The following PRKN variants were observed in gnomAD, a reference collection of about 807,000 sequenced individuals.
PRKN encodes the protein parkin RBR E3 ubiquitin protein ligase, also known as E3 ubiquitin-protein ligase parkin.
Under a neutral mutation model 59.5 loss-of-function variants are expected in PRKN, and 56 were observed. The observed-to-expected ratio is 0.94, with a 90% confidence interval of 0.76 to 1.18. The LOEUF (loss-of-function observed/expected upper bound fraction) is 1.18, where lower values mean the gene tolerates loss of function less well. PRKN is among the 50% of genes most tolerant of loss of function. The probability of loss-of-function intolerance (pLI) is 0.00; values close to 1 mark genes in which losing one functional copy is unlikely to be tolerated. For synonymous variants in PRKN, 250 were observed against 222.1 expected (o/e 1.13, Z -1.12); for missense variants, 657 against 596.4 (o/e 1.10, Z -1.06).
chr6:162,612,168 C>G (rs1483202961), intron 1 of PRKN, among the ~76,000 whole-genome samples: 20 of 127,272 alleles, frequency 1.6e-4, no homozygotes, highest in Non-Finnish European at 2.6e-4. Flanking sequence ...ACTCCAGCCT[C>G]GGAGACAGAG....
chr6:162,547,125 G>C (rs972186440), intron 1 of PRKN, among the ~76,000 whole-genome samples: 5 of 152,166 alleles, frequency 3.3e-5, no homozygotes. Flanking sequence ...GCCAGATCCA[G>C]TCAGGAACTT....
Position 162,054,115 on chromosome 6 carries a change from G to T in PRKN, c.594C>A (p.Ser198=). 1 of 1,612,400 alleles carries T rather than the reference G, an allele frequency of 6.2e-7. No individual in the cohort carries two copies. Among genetic ancestry groups the T allele is most frequent in the Non-Finnish European group, 8.5e-7 (1 of 1,178,474 alleles). ...IPNRMSGECQ[S]PHCPGTSAEF... is the part of the protein sequence containing the mutation. The stretch of plus-strand genomic sequence containing the variant: ...CTGCACTAGTCCCAGGGCAGTGTGG[G>T]GATTGGCATTCACCACTCATCCGGT... Residue 198 remains serine, a synonymous_variant, in exon 5 of 12, where the codon TCC becomes TCA. Transcript: ENST00000366898.
rs539826815 is a variant in PRKN at position 161,592,807 on chromosome 6, C to T, written c.872-23391G>A. On this transcript the variant is annotated intron_variant, in intron 7 of 11. Coordinates refer to ENST00000366898, the MANE Select transcript of PRKN (RefSeq NM_004562.3). This position sits in a 1 kb window ranked among gnomAD's most constrained non-coding sequence, Gnocchi z 4.8. ...CAGACAGGTCTGCGGGCCAGGGTGC[C>T]GCCAGGATAGGAGGGCTGGCGGGAG... is the stretch of plus-strand genomic sequence containing the variant. Among the ~76,000 whole-genome samples, 381 of 152,098 alleles carry T rather than the reference C, an allele frequency of 2.5e-3. No individual in the cohort carries two copies. The highest frequency in any genetic ancestry group is 8.5e-3 in the African/African-American group (351 of 41,504).
chr6:162,690,473 G>C (rs1328068426), intron 1 of PRKN, among the ~76,000 whole-genome samples: 1 of 152,176 alleles, frequency 6.6e-6, no homozygotes, highest in African/African-American at 2.4e-5. Flanking sequence ...GAAAGCGGTA[G>C]CTTTCACTCA....
At chr6:161,828,114 A>G (rs1463347027) in intron 6 of PRKN, among the ~76,000 whole-genome samples, 1 of 152,204 alleles carries the variant, frequency 6.6e-6, no homozygotes, top group African/African-American at 2.4e-5. Flanking sequence ...AAATAGAAAG[A>G]TTCCCTTTCA....
intron 7 of PRKN, among the ~76,000 whole-genome samples, chr6:161,682,045 C>T (rs1249222582): frequency 6.6e-6 from 1 of 152,178 alleles, no homozygotes; most frequent in African/African-American, 2.4e-5. Flanking sequence ...AGAGAGAGGA[C>T]AGGGTAAAGA....
At chr6:161,949,872 T>A (rs2128245582) in intron 6 of PRKN, among the ~76,000 whole-genome samples, 1 of 152,324 alleles carries the variant, frequency 6.6e-6, no homozygotes, top group Admixed American at 6.5e-5. Flanking sequence ...GCTGTCCAGG[T>A]CAGCTCAATT....
At chr6:162,024,966 T>C (rs998019556) in intron 5 of PRKN, among the ~76,000 whole-genome samples, 6 of 152,068 alleles carry the variant, frequency 3.9e-5, no homozygotes, top group African/African-American at 1.2e-4. Flanking sequence ...TTTTTATATA[T>C]GTATATAACT....
At chr6:161,851,481 TTTTG>T (rs1055547708) in intron 6 of PRKN, among the ~76,000 whole-genome samples, 2 of 151,844 alleles carry the variant, frequency 1.3e-5, no homozygotes, top group African/African-American at 2.4e-5. Context: ...AAATAATGTG[TTTTG>T]TTTGTTTTTT....
At chr6:162,229,189 A>T (rs1440828356) in intron 3 of PRKN, among the ~76,000 whole-genome samples, 2 of 152,152 alleles carry the variant, frequency 1.3e-5, no homozygotes, top group Non-Finnish European at 2.9e-5. Flanking sequence ...CCCAAATTAG[A>T]ATCCCTGATT....
chr6:162,638,478 C>T (rs190755812), intron 1 of PRKN, among the ~76,000 whole-genome samples: 10 of 152,292 alleles, frequency 6.6e-5, no homozygotes, highest in Admixed American at 5.9e-4. Flanking sequence ...TTCTAATACT[C>T]TAACATTTTA....
At chr6:162,714,146 G>A (rs567768266) in intron 1 of PRKN, among the ~76,000 whole-genome samples, 2 of 152,132 alleles carry the variant, frequency 1.3e-5, no homozygotes, top group Admixed American at 1.3e-4. Context: ...GGCATGTCCC[G>A]TGACTTAATT....
intron 7 of PRKN, among the ~76,000 whole-genome samples, chr6:161,586,402 C>G (rs932829613): frequency 6.6e-6 from 1 of 152,170 alleles, no homozygotes; most frequent in Non-Finnish European, 1.5e-5. Flanking sequence ...CTGAGTTCCA[C>G]GTTCTTGCTC....
intron 6 of PRKN, among the ~76,000 whole-genome samples, chr6:161,883,743 C>T (rs1237315928): frequency 6.6e-6 from 1 of 152,064 alleles, no homozygotes; most frequent in Non-Finnish European, 1.5e-5. Flanking sequence ...ACTTCCACCC[C>T]TTGGATTCAA....
At position 161,562,233 on chromosome 6, in the gene PRKN, G is replaced by A. The variant is rs891543174; in HGVS notation, c.933+7122C>T. 1.1e-4 allele frequency among the ~76,000 whole-genome samples: 16 copies of A among 150,264 alleles called. No homozygotes were observed. Among genetic ancestry groups the A allele is most frequent in the Non-Finnish European group, 1.3e-4 (9 of 67,720 alleles). On this transcript the variant is annotated intron_variant, in intron 8 of 11. Coordinates refer to ENST00000366898, the MANE Select transcript of PRKN (RefSeq NM_004562.3). This position sits in a 1 kb window ranked among gnomAD's most constrained non-coding sequence, Gnocchi z 4.3. ...CTCGGCTTCCTCAACACCATAAATCGCCATTCTCCTCTGGAGGACCCGCCT... is the reference window on the plus strand; with the variant it reads ...CTCGGCTTCCTCAACACCATAAATCACCATTCTCCTCTGGAGGACCCGCCT...
chr6:162,083,345 T>C (rs7747241), intron 4 of PRKN, among the ~76,000 whole-genome samples: 104,388 of 151,934 alleles, frequency 0.69, 36,089 homozygotes, highest in East Asian at 0.86. Context: ...AGTGGGCACA[T>C]ACTGTTGGAA....
intron 5 of PRKN, among the ~76,000 whole-genome samples, chr6:162,004,008 C>T (rs1179329077): frequency 3.3e-5 from 5 of 152,128 alleles, no homozygotes; most frequent in African/African-American, 9.7e-5. Context: ...GCCTTGGTCT[C>T]GTCACACAGA....
chr6:162,525,822 C>T (rs1778257021), intron 1 of PRKN, among the ~76,000 whole-genome samples: 1 of 152,124 alleles, frequency 6.6e-6, no homozygotes, highest in Non-Finnish European at 1.5e-5. Context: ...AGCTGTAAAA[C>T]ATATGATTCA....
chr6:162,538,479 C>T (rs1229441041), intron 1 of PRKN, among the ~76,000 whole-genome samples: 1 of 152,116 alleles, frequency 6.6e-6, no homozygotes, highest in Non-Finnish European at 1.5e-5. Flanking sequence ...CATCATTATT[C>T]ATCATACTAA....
Sources: allele counts gnomAD v4.1 joint callset (sites outside exome capture counted in the v4.1 genomes callset), GRCh38; gene constraint gnomAD v4.1.1; non-coding constraint Gnocchi (gnomAD v3.1); transcripts MANE v1.5; gene names NCBI Gene and HGNC (gene_info 2026-07-23, HGNC 2026-07-21).